SPACA1: variants seen among roughly 807,000 people sequenced by gnomAD.
SPACA1 encodes the protein sperm acrosome membrane-associated protein 1.
Under a neutral mutation model 32.6 loss-of-function variants are expected in SPACA1, and 17 were observed. The observed-to-expected ratio is 0.52, with a 90% CI of 0.36 to 0.78. The LOEUF is 0.78. SPACA1 is among the 30% of genes least tolerant of loss of function. The pLI is 0.01. For synonymous variants in SPACA1, 140 were observed against 138.1 expected (o/e 1.01, Z -0.10); for missense variants, 363 against 373.4 (o/e 0.97, Z 0.23).
At position 88,048,106 on chromosome 6, in the gene SPACA1, C is replaced by G. The variant is rs1436979229; in HGVS notation, c.201C>G (p.Thr67=). Reference sequence around the variant, plus strand: ...CGGAGAACTACGCTCCGCCTGAAACCGAGGATGGTGAGGGCGGGAGCTCCC... The same window carrying G: ...CGGAGAACTACGCTCCGCCTGAAACGGAGGATGGTGAGGGCGGGAGCTCCC... ...ETAENYAPPE[T]EDVSNRNVVK... The change falls in exon 1 of 7, where the codon ACC becomes ACG. Residue 67 remains threonine (T), a synonymous_variant. Transcript: ENST00000237201. The G allele has an allele frequency of 6.3e-7, 1 of 1,590,238 alleles. No homozygotes were observed. Among genetic ancestry groups the G allele is most frequent in the South Asian group, 1.2e-5 (1 of 86,854 alleles).
chr6:88,047,270 T>G (rs937288648), upstream of SPACA1, among the ~76,000 whole-genome samples: 3 of 152,234 alleles, frequency 2.0e-5, no homozygotes, highest in Non-Finnish European at 4.4e-5. Context: ...ATCTCTCTGA[T>G]TCTTAATCTC....
chr6:88,059,656 G>T (rs1775863166), intron 5 of SPACA1, 68 bp downstream of exon 5: 1 of 1,473,084 alleles, frequency 6.8e-7, no homozygotes, highest in Non-Finnish European at 9.1e-7. Flanking sequence ...ATCACTTAGA[G>T]GCTTGTTAAA....
rs1218101568 is a variant in SPACA1, at chr6:88,066,267, A to G, written c.817A>G (p.Thr273Ala). ...GAGTTCTGTGAGATACAAAGATTCA[A>G]CTTCTCTTGACCAATTACCAACAGA... ...EQSSVRYKDS[T>A]SLDQLPTEMP... Residue 273 changes from threonine to alanine, a missense_variant, in exon 7 of 7, where the codon ACT becomes GCT. Thr to Ala is a moderately conservative substitution (Grantham distance 58). Coordinates refer to ENST00000237201, the MANE Select transcript of SPACA1 (RefSeq NM_030960.3). 1.4e-5 allele frequency: 23 copies of G among 1,612,680 alleles called. No individual in the cohort carries two copies. The highest frequency in any genetic ancestry group is 1.1e-5 in the South Asian group (1 of 90,908).
upstream of SPACA1, among the ~76,000 whole-genome samples, chr6:88,047,200 G>C (rs1775650185): frequency 6.6e-6 from 1 of 152,182 alleles, no homozygotes; most frequent in Admixed American, 6.5e-5. Flanking sequence ...GTGTTCGGGA[G>C]ATATGACTGT....
At chr6:88,055,759 C>T (rs1171531920) in intron 2 of SPACA1, among the ~76,000 whole-genome samples, 3 of 150,876 alleles carry the variant, frequency 2.0e-5, no homozygotes, top group Non-Finnish European at 4.4e-5. Flanking sequence ...TCACGAGGTC[C>T]AGATATCGAG....
rs190022598 is a variant in SPACA1 at position 88,054,797 on chromosome 6, A to G, written c.265+795A>G. Among the ~76,000 whole-genome samples, 23 of 152,234 alleles carry G rather than the reference A, an allele frequency of 1.5e-4. 1 individual carries two copies. The highest frequency in any genetic ancestry group is 1.2e-3 in the Admixed American group (18 of 15,292). On this transcript the variant is annotated intron_variant, in intron 2 of 6. Transcript: ENST00000237201. The stretch of plus-strand genomic sequence containing the variant: ...ACACCTGAATTGTTTTTATTTGGAG[A>G]AGCTTTTTAAAATTGTGGTACAGTA...
chr6:88,065,352 ATAT>A (rs1321571861), intron 6 of SPACA1, among the ~76,000 whole-genome samples: 11 of 148,064 alleles, frequency 7.4e-5, no homozygotes, highest in Admixed American at 2.0e-4. Context: ...TACATACATA[ATAT>A]TATATACAGT....
At chr6:88,060,263 C>G (rs547976745) in intron 5 of SPACA1, among the ~76,000 whole-genome samples, 1 of 152,242 alleles carries the variant, frequency 6.6e-6, no homozygotes, top group South Asian at 2.1e-4. Flanking sequence ...TTTTGTTCAG[C>G]TGCTCTTAAC....
In SPACA1 at chr6:88,057,656, G is replaced by A; in HGVS notation, c.310G>A (p.Gly104Ser). Residue 104 changes from glycine to serine, a missense_variant, in exon 3 of 7, where the codon GGT becomes AGT. Transcript: ENST00000237201. Reference sequence around the variant, plus strand: ...TATATTAACAAATGGATGCCCTGGTGGTGAATCCAAGTGTGTTGTACGGGT... The same window carrying A: ...TATATTAACAAATGGATGCCCTGGTAGTGAATCCAAGTGTGTTGTACGGGT... ...EVILTNGCPGGESKCVVRVEE... is the reference protein window; with the variant it reads ...EVILTNGCPGSESKCVVRVEE... 1 of 1,614,020 alleles carries A rather than the reference G, an allele frequency of 6.2e-7. No homozygotes were observed. Among genetic ancestry groups the A allele is most frequent in the East Asian group, 2.2e-5 (1 of 44,872 alleles).
At chr6:88,050,116 CA>C (rs765859525) in intron 1 of SPACA1, among the ~76,000 whole-genome samples, 11 of 152,164 alleles carry the variant, frequency 7.2e-5, no homozygotes, top group Non-Finnish European at 1.3e-4. Flanking sequence ...TATCTTTCAT[CA>C]CAATATGTTC....
intron 5 of SPACA1, among the ~76,000 whole-genome samples, chr6:88,061,663 C>T (rs998753229): frequency 5.3e-5 from 8 of 152,128 alleles, no homozygotes; most frequent in East Asian, 3.8e-4. Flanking sequence ...GAGCATGGCT[C>T]GGCCAACACA....
chr6:88,047,745 A>T (rs1400441511), upstream of SPACA1: 1 of 720,698 alleles, frequency 1.4e-6, no homozygotes, highest in Non-Finnish European at 2.2e-6. Context: ...CCAGGCGCTC[A>T]GCACCGGAGC....
chr6:88,064,824 A>G (rs1775953707), intron 6 of SPACA1, among the ~76,000 whole-genome samples: 2 of 148,216 alleles, frequency 1.3e-5, no homozygotes, highest in South Asian at 4.2e-4. Context: ...TATATCATAT[A>G]TAGGTCATAT....
chr6:88,064,070 T>C (rs1775938182), intron 5 of SPACA1, 29 bp from the exon 6 acceptor site: 7 of 1,600,616 alleles, frequency 4.4e-6, no homozygotes, highest in South Asian at 1.1e-5. Flanking sequence ...TCAGTAGTAA[T>C]ACTCCTTAGG....
intron 1 of SPACA1, among the ~76,000 whole-genome samples, chr6:88,050,094 C>T (rs1446591806): frequency 6.6e-6 from 1 of 152,146 alleles, no homozygotes. Flanking sequence ...CTTTCAGTCA[C>T]CTTTATATAC....
upstream of SPACA1, chr6:88,047,701 C>A (rs1775659496): frequency 3.4e-6 from 2 of 582,816 alleles, no homozygotes; most frequent in Non-Finnish European, 6.0e-6. Context: ...CGCGTTCCGT[C>A]TTGCACGCCT....
At position 88,066,575 on chromosome 6, in the gene SPACA1, A is replaced by C. The variant is rs1174011545; in HGVS notation, c.*240A>C. 2.7e-5 allele frequency: 7 copies of C among 261,642 alleles called. No individual in the cohort carries two copies. The East Asian group carries it at 5.1e-4, about 19-fold the overall frequency. 16.2% of individuals were successfully genotyped at this position (261,642 alleles called of 1,614,324 possible). On this transcript the variant is annotated 3_prime_UTR_variant, in exon 7 of 7. Transcript: ENST00000237201. The stretch of plus-strand genomic sequence containing the variant: ...GTAATAGCTTGGGGATATTTATCTA[A>C]AGGTACCCCCAACAAATCTTCTAAG...
intron 1 of SPACA1, 66 bp from the exon 2 acceptor site, chr6:88,053,879 TA>T (rs1775766189): frequency 2.2e-6 from 3 of 1,339,882 alleles, no homozygotes; most frequent in Admixed American, 3.6e-5. Context: ...CATCTCCAAG[TA>T]AGAGGTGTTT....
intron 2 of SPACA1, among the ~76,000 whole-genome samples, 200 bp from the exon 3 acceptor site, chr6:88,057,412 A>G (rs1317450057): frequency 6.6e-6 from 1 of 152,162 alleles, no homozygotes; most frequent in Non-Finnish European, 1.5e-5. Context: ...GTTTCACGTA[A>G]CTCACTCCAG....
Sources: allele counts gnomAD v4.1 joint callset (sites outside exome capture counted in the v4.1 genomes callset), GRCh38; gene constraint gnomAD v4.1.1; transcripts MANE v1.5; gene names NCBI Gene and HGNC (gene_info 2026-07-23, HGNC 2026-07-21).